PCDHA3: variants seen among roughly 807,000 people sequenced by gnomAD.
PCDHA3 encodes protocadherin alpha 3.
PCDHA3 carries 41 observed loss-of-function variants against 62.2 expected under a neutral mutation model. The observed-to-expected ratio is 0.66, with a 90% CI of 0.51 to 0.86. PCDHA3 has a LOEUF of 0.86. Ranked by LOEUF, PCDHA3 falls within the 40% of genes least tolerant of loss-of-function variation. The pLI, the probability that PCDHA3 is intolerant of heterozygous loss-of-function variation, is 0.00. For missense variants in PCDHA3, 1,304 were observed against 1,241.2 expected (o/e 1.05, Z -0.76); for synonymous variants, 640 against 555.4 (o/e 1.15, Z -2.14).
In PCDHA3 at chr5:140,841,673, C is replaced by T; in HGVS notation, c.2394+38082C>T. On this transcript the variant is annotated intron_variant, in intron 1 of 3. Transcript: ENST00000522353. ...CGTGGACAGGCCGCTGCAGGTTTTCCATGTGGACGTGGAGGTGAAGGATGT... is the reference window on the plus strand; with the variant it reads ...CGTGGACAGGCCGCTGCAGGTTTTCTATGTGGACGTGGAGGTGAAGGATGT... 1.2e-6 allele frequency: 2 copies of T among 1,614,024 alleles called. No individual in the cohort carries two copies. The highest frequency in any genetic ancestry group is 1.7e-6 in the Non-Finnish European group (2 of 1,179,944).
rs190555934 is a variant in PCDHA3 at position 140,905,437 on chromosome 5, C to G, written c.2395-73512C>G. Among the ~76,000 whole-genome samples the G allele has an allele frequency of 2.8e-3, 421 of 152,248 alleles. 2 individuals carry two copies. The highest frequency in any genetic ancestry group is 0.014 in the Middle Eastern group (4 of 294). On this transcript the variant is annotated intron_variant, in intron 1 of 3. Coordinates refer to ENST00000522353, the MANE Select transcript of PCDHA3 (RefSeq NM_018906.3). ...TACCATGCTGGTTTGATAACTACAG[C>G]CTTTTAGTATAATTTAAAGTCAGGT...
chr5:140,851,043 C>T (rs2041935214), intron 1 of PCDHA3: 7 of 1,389,064 alleles, frequency 5.0e-6, no homozygotes, highest in Middle Eastern at 2.1e-4. Flanking sequence ...ACATTGGAGC[C>T]GACTTTGTCT....
At position 140,828,792 on chromosome 5, in the gene PCDHA3, A is replaced by G. The variant is rs1554131542; in HGVS notation, c.2394+25201A>G. 3 of 1,614,098 alleles carry G rather than the reference A, an allele frequency of 1.9e-6. No homozygotes were observed. The East Asian group carries it at 6.7e-5, about 36-fold the overall frequency. ...GTTCAGCTGCTGGTCACAGTGCTGG[A>G]TGTGAATGATAATGCTCCCACTTTC... On this transcript the variant is annotated intron_variant, in intron 1 of 3. Coordinates refer to ENST00000522353, the MANE Select transcript of PCDHA3 (RefSeq NM_018906.3).
intron 1 of PCDHA3, among the ~76,000 whole-genome samples, chr5:140,937,780 C>T (rs1459266022): frequency 3.3e-5 from 5 of 151,656 alleles, no homozygotes; most frequent in African/African-American, 7.3e-5. Flanking sequence ...GGCGTGGTGG[C>T]GGGCGTATGT....
chr5:140,967,495 C>G, intron 1 of PCDHA3: 1 of 1,613,306 alleles, frequency 6.2e-7, no homozygotes. Flanking sequence ...CGGCACAGAT[C>G]TCTGTGCGTG....
intron 1 of PCDHA3, among the ~76,000 whole-genome samples, chr5:140,912,273 A>G (rs551128589): frequency 1.3e-5 from 2 of 151,890 alleles, no homozygotes; most frequent in South Asian, 4.2e-4. Flanking sequence ...TCACAGATAT[A>G]CCCAGGAACA....
chr5:140,828,025 G>A (rs1554130972), intron 1 of PCDHA3: 1 of 1,517,138 alleles, frequency 6.6e-7, no homozygotes, highest in African/African-American at 1.4e-5. Context: ...AATAAATTCC[G>A]GAACATACAG....
rs184163664 is a variant in PCDHA3, at chr5:140,801,974, C to A, written c.777C>A (p.Thr259=). 2.5e-6 allele frequency: 4 copies of A among 1,614,146 alleles called. No homozygotes were observed. Among genetic ancestry groups the A allele is most frequent in the Non-Finnish European group, 3.4e-6 (4 of 1,180,048 alleles). ...TACTCGAAAATGCACCAAATGGTAC[C>A]CTAGTGGTGACCGTTAACGCCACCG... is the stretch of plus-strand genomic sequence containing the variant. ...VRLLENAPNG[T]LVVTVNATDL... The change falls in exon 1 of 4, where the codon ACC becomes ACA. Residue 259 remains threonine (T), a synonymous_variant. Coordinates refer to ENST00000522353, the MANE Select transcript of PCDHA3 (RefSeq NM_018906.3).
At chr5:140,828,008 A>T (rs1427962519) in intron 1 of PCDHA3, 2 of 1,505,342 alleles carry the variant, frequency 1.3e-6, no homozygotes, top group African/African-American at 2.8e-5. Flanking sequence ...CGCAGAAGAA[A>T]TGGATTAATA....
intron 1 of PCDHA3, among the ~76,000 whole-genome samples, chr5:140,872,848 A>T: frequency 1.3e-5 from 2 of 152,332 alleles, no homozygotes; most frequent in African/African-American, 4.8e-5. Context: ...AAATATATTA[A>T]TGTGAGTACC....
At chr5:140,860,140 T>C (rs1451807345) in intron 1 of PCDHA3, 2 of 150,358 alleles carry the variant, frequency 1.3e-5, no homozygotes, top group African/African-American at 2.4e-5. Flanking sequence ...TGTGTATATA[T>C]ATGTATATAT....
At chr5:140,960,079 A>G (rs1006555188) in intron 1 of PCDHA3, among the ~76,000 whole-genome samples, 1 of 152,228 alleles carries the variant, frequency 6.6e-6, no homozygotes, top group African/African-American at 2.4e-5. Flanking sequence ...TGAAGTTTCT[A>G]AAAGAGAAAG....
At chr5:140,921,965 A>T (rs1459699467) in intron 1 of PCDHA3, among the ~76,000 whole-genome samples, 1 of 152,112 alleles carries the variant, frequency 6.6e-6, no homozygotes. Flanking sequence ...AGAAAACCAA[A>T]GGAAAAAATA....
At chr5:140,816,221 T>C (rs1765867541) in intron 1 of PCDHA3, 1 of 152,206 alleles carries the variant, frequency 6.6e-6, no homozygotes, top group Non-Finnish European at 1.5e-5. Flanking sequence ...TGCTACTCTG[T>C]CTGGATAATT....
intron 3 of PCDHA3, 85 bp from the exon 4 acceptor site, chr5:141,009,542 T>C: frequency 6.5e-7 from 1 of 1,530,742 alleles, no homozygotes; most frequent in Admixed American, 2.1e-5. Context: ...AGCCTGCCTA[T>C]GCAGTACTCC....
At position 140,835,736 on chromosome 5, in the gene PCDHA3, C is replaced by T. The variant is rs2150243450; in HGVS notation, c.2394+32145C>T. ...TGGAGGTGGCCGACGTGAACGACAACGCCCCGGCGTTCGCGCAGCCCGAGT... is the reference window on the plus strand; with the variant it reads ...TGGAGGTGGCCGACGTGAACGACAATGCCCCGGCGTTCGCGCAGCCCGAGT... On this transcript the variant is annotated intron_variant, in intron 1 of 3. Coordinates refer to ENST00000522353, the MANE Select transcript of PCDHA3 (RefSeq NM_018906.3). 7.4e-6 allele frequency: 12 copies of T among 1,613,586 alleles called. No individual in the cohort carries two copies. The African/African-American group carries it at 8.0e-5, about 11-fold the overall frequency.
chr5:140,981,685 C>G lies in PCDHA3; in HGVS notation c.2454-790C>G, dbSNP rs369964011. 6.6e-4 allele frequency among the ~76,000 whole-genome samples: 101 copies of G among 152,166 alleles called. No individual in the cohort carries two copies. In the South Asian group the frequency reaches 0.018, roughly 27 times the overall value. ...TCCTTCCTTTCTTCCTTCCTCCCTT[C>G]CATCATTCATTCATTCATTCATTCA... On this transcript the variant is annotated intron_variant, in intron 2 of 3. Transcript: ENST00000522353.
chr5:140,823,452 C>A, intron 1 of PCDHA3: 7 of 1,613,440 alleles, frequency 4.3e-6, no homozygotes, highest in Non-Finnish European at 5.9e-6. Flanking sequence ...ACGAGAACGA[C>A]AACGCGCCGG....
intron 3 of PCDHA3, among the ~76,000 whole-genome samples, chr5:140,996,661 G>A (rs1554255301): frequency 6.6e-6 from 1 of 152,194 alleles, no homozygotes; most frequent in Admixed American, 6.5e-5. Context: ...GTGCAGGCTA[G>A]TTTTTGAACC....
Sources: gnomAD v4.1 joint callset for allele counts (sites outside exome capture counted in the v4.1 genomes callset) on GRCh38, gnomAD v4.1.1 for gene constraint, MANE v1.5 for transcripts, NCBI Gene and HGNC (gene_info 2026-07-23, HGNC 2026-07-21) for gene names.